Variants in ZFAND3 observed in about 807,000 individuals in gnomAD.
The protein encoded by ZFAND3 is zinc finger AN1-type containing 3, also known as AN1-type zinc finger protein 3.
In ZFAND3, 10 loss-of-function variants were observed where a neutral mutation model predicts 29.6. The ratio of observed to expected loss-of-function variants is 0.34; its 90% CI spans 0.21 to 0.57. The LOEUF (loss-of-function observed/expected upper bound fraction) is 0.57, where lower values mean the gene tolerates loss of function less well. Among genes scored for constraint, ZFAND3 ranks in the 20% least tolerant of loss-of-function variants. The pLI, the probability that ZFAND3 is intolerant of heterozygous loss-of-function variation, is 0.86. For synonymous variants in ZFAND3, 128 were observed against 112.6 expected (o/e 1.14, Z -0.87); for missense variants, 230 against 304.5 (o/e 0.76, Z 1.82).
intron 1 of ZFAND3, among the ~76,000 whole-genome samples, chr6:37,883,080 C>T (rs530406898): frequency 5.2e-4 from 79 of 152,120 alleles, no homozygotes; most frequent in Non-Finnish European, 5.9e-4. Context: ...ACAATTAGCT[C>T]GGTATAGAGT....
At chr6:37,910,622 G>A (rs1291072156) in intron 1 of ZFAND3, among the ~76,000 whole-genome samples, 2 of 152,058 alleles carry the variant, frequency 1.3e-5, no homozygotes, top group South Asian at 2.1e-4. Flanking sequence ...AAATCTCTTA[G>A]CAATTTTCAA....
chr6:38,073,880 G>T (rs753569940), intron 3 of ZFAND3, among the ~76,000 whole-genome samples: 1 of 152,146 alleles, frequency 6.6e-6, no homozygotes, highest in Non-Finnish European at 1.5e-5. Flanking sequence ...TAGCAGAAAT[G>T]GAATGTCTTG....
intron 1 of ZFAND3, among the ~76,000 whole-genome samples, chr6:37,896,652 G>A (rs1581743214): frequency 7.1e-6 from 1 of 141,814 alleles, no homozygotes; most frequent in Non-Finnish European, 1.6e-5. Context: ...CTTCCTGCCT[G>A]CCTGCCTTCT....
chr6:37,833,485 A>C (rs1350101522), intron 1 of ZFAND3, among the ~76,000 whole-genome samples: 3 of 152,076 alleles, frequency 2.0e-5, no homozygotes, highest in Non-Finnish European at 4.4e-5. Flanking sequence ...AGTATGACTT[A>C]GTTTACTGCA....
intron 2 of ZFAND3, among the ~76,000 whole-genome samples, chr6:37,969,935 A>G (rs886208338): frequency 6.6e-6 from 1 of 152,072 alleles, no homozygotes. Flanking sequence ...ATTTAGTATC[A>G]GGCCGGGCGC....
intron 2 of ZFAND3, among the ~76,000 whole-genome samples, chr6:38,028,422 T>C (rs988544029): frequency 2.1e-5 from 3 of 142,476 alleles, no homozygotes; most frequent in Non-Finnish European, 4.8e-5. Context: ...TCTATTCCCC[T>C]CACATTATCT....
intron 4 of ZFAND3, among the ~76,000 whole-genome samples, chr6:38,105,414 A>T (rs189028693): frequency 0.012 from 1,790 of 152,164 alleles, 40 homozygotes; most frequent in African/African-American, 0.039. Flanking sequence ...ATTAAAAAAA[A>T]TTTTTTTAAT....
intron 1 of ZFAND3, among the ~76,000 whole-genome samples, chr6:37,830,273 GAC>G (rs764033914): frequency 1.3e-5 from 2 of 152,116 alleles, no homozygotes; most frequent in Non-Finnish European, 2.9e-5. Flanking sequence ...TGAGGATGGG[GAC>G]ACACAGAGGA....
intron 2 of ZFAND3, among the ~76,000 whole-genome samples, chr6:37,970,845 C>T (rs557843587): frequency 3.3e-5 from 5 of 152,258 alleles, no homozygotes; most frequent in South Asian, 4.1e-4. Context: ...TCAGAGCCTG[C>T]GGTGAGCTGA....
intron 1 of ZFAND3, among the ~76,000 whole-genome samples, chr6:37,836,785 G>T (rs928360836): frequency 6.6e-6 from 1 of 151,876 alleles, no homozygotes; most frequent in African/African-American, 2.4e-5. Context: ...TGTTTTTAGG[G>T]TAATTTTTTA....
intron 1 of ZFAND3, among the ~76,000 whole-genome samples, chr6:37,929,249 A>AT (rs1033284033): frequency 6.6e-6 from 1 of 152,180 alleles, no homozygotes; most frequent in African/African-American, 2.4e-5. Context: ...TGCTAATGTG[A>AT]TTTTTTTAAA....
At chr6:37,950,113 T>A (rs1761970417) in intron 2 of ZFAND3, among the ~76,000 whole-genome samples, 1 of 152,232 alleles carries the variant, frequency 6.6e-6, no homozygotes, top group South Asian at 2.1e-4. Context: ...GTGCAGTCTG[T>A]TGATAATTTC....
rs758868144 is a variant in ZFAND3, at chr6:38,093,610, G to T, written c.361+11153G>T. Among the ~76,000 whole-genome samples, 123 of 152,166 alleles carry T rather than the reference G, an allele frequency of 8.1e-4. 1 individual carries two copies. The highest frequency in any genetic ancestry group is 4.9e-4 in the Non-Finnish European group (33 of 68,026). On this transcript the variant is annotated intron_variant, in intron 4 of 5. Coordinates refer to ENST00000287218, the MANE Select transcript of ZFAND3 (RefSeq NM_021943.3). ...AGGAGAAAGCTTCCCACAGGATCAT[G>T]AAAGATGCATGAGAAGAGGGATCAG...
chr6:38,094,171 T>C (rs1008999220), intron 4 of ZFAND3, among the ~76,000 whole-genome samples: 4 of 152,078 alleles, frequency 2.6e-5, no homozygotes, highest in African/African-American at 9.7e-5. Context: ...AAGTTGTAAG[T>C]AGCAGCAGAG....
intron 1 of ZFAND3, among the ~76,000 whole-genome samples, chr6:37,834,287 A>G (rs1280724891): frequency 6.6e-6 from 1 of 152,068 alleles, no homozygotes; most frequent in Non-Finnish European, 1.5e-5. Flanking sequence ...CTTCTTTTAT[A>G]TAGTAATAAG....
At chr6:37,847,722 G>A (rs1764208396) in intron 1 of ZFAND3, among the ~76,000 whole-genome samples, 1 of 151,670 alleles carries the variant, frequency 6.6e-6, no homozygotes, top group Admixed American at 6.6e-5. Context: ...CTTGGGAATA[G>A]GTCAGTAAAC....
intron 2 of ZFAND3, among the ~76,000 whole-genome samples, chr6:38,038,650 AAGAG>A (rs1763704949): frequency 6.6e-6 from 1 of 152,006 alleles, no homozygotes; most frequent in African/African-American, 2.4e-5. Flanking sequence ...TATTTTTTTT[AAGAG>A]AGAGAATAAA....
intron 1 of ZFAND3, among the ~76,000 whole-genome samples, chr6:37,898,086 C>CTT (rs146140417): frequency 3.9e-5 from 6 of 152,204 alleles, no homozygotes; most frequent in African/African-American, 1.4e-4. Context: ...GGTCAGGACT[C>CTT]TTTGTGTTTT....
intron 2 of ZFAND3, among the ~76,000 whole-genome samples, chr6:38,008,382 A>G (rs975561737): frequency 9.2e-5 from 14 of 152,232 alleles, no homozygotes; most frequent in Admixed American, 3.9e-4. Flanking sequence ...AGGAAAACCC[A>G]GGTAAACTCA....
Sources: gnomAD v4.1 joint callset for allele counts (sites outside exome capture counted in the v4.1 genomes callset) on GRCh38, gnomAD v4.1.1 for gene constraint, MANE v1.5 for transcripts, NCBI Gene and HGNC (gene_info 2026-07-23, HGNC 2026-07-21) for gene names.